The following PIK3CA variants were observed in gnomAD, a reference collection of about 807,000 sequenced individuals.
PIK3CA encodes phosphatidylinositol 4,5-bisphosphate 3-kinase catalytic subunit alpha isoform.
A neutral mutation model predicts 138.2 loss-of-function variants in PIK3CA; 27 were observed. The ratio of observed to expected loss-of-function variants is 0.20; its 90% CI spans 0.14 to 0.27. PIK3CA has a LOEUF of 0.27. Ranked by LOEUF, PIK3CA falls within the 10% of genes least tolerant of loss-of-function variation. PIK3CA has a pLI of 1.00. For synonymous variants in PIK3CA, 358 were observed against 413.2 expected (o/e 0.87, Z 1.62); for missense variants, 544 against 1,277.4 (o/e 0.43, Z 8.75).
At chr3:179,187,504 C>T (rs1444258009) in intron 1 of PIK3CA, among the ~76,000 whole-genome samples, 3 of 127,920 alleles carry the variant, frequency 2.3e-5, no homozygotes, top group East Asian at 2.4e-4. Context: ...CGCCACTGCA[C>T]TCCAGCCTGG....
At position 179,235,725 on chromosome 3, in the gene PIK3CA, A is replaced by G. The variant is rs1372931658; in HGVS notation, c.*1361A>G. ...CATGAACTTTTTACCTTTTTAAACT[A>G]TTTATCCATATCTCCAAAGTAGAAC... On this transcript the variant is annotated 3_prime_UTR_variant, in exon 21 of 21. Transcript: ENST00000263967. The G allele has an allele frequency of 4.8e-6, 1 of 206,864 alleles. No individual in the cohort carries two copies. The highest frequency in any genetic ancestry group is 2.3e-5 in the African/African-American group (1 of 43,470). The allele number at this position is 206,864 out of a possible 1,614,324, so 12.8% of individuals were successfully genotyped here.
At chr3:179,188,591 TGA>T (rs2108377030) in intron 1 of PIK3CA, among the ~76,000 whole-genome samples, 1 of 152,302 alleles carries the variant, frequency 6.6e-6, no homozygotes, top group African/African-American at 2.4e-5. Flanking sequence ...TCACTGGAAC[TGA>T]GAGTGATGGT....
In PIK3CA at chr3:179,168,805, CT is replaced by C. The variant is rs1041706850; in HGVS notation, c.-77+20208del. Among the ~76,000 whole-genome samples the C allele has an allele frequency of 2.4e-4, 37 of 152,228 alleles. No homozygotes were observed. The Middle Eastern group carries it at 0.014, about 56-fold the overall frequency. The stretch of plus-strand genomic sequence containing the variant: ...ATAAGGTATAAATTGGAAACCCACT[CT>C]TTTTTCCCAAATGTCTAGCCGTTTC... On this transcript the variant is annotated intron_variant, in intron 1 of 20. Coordinates refer to ENST00000263967, the MANE Select transcript of PIK3CA (RefSeq NM_006218.4).
Position 179,229,996 on chromosome 3 carries a change from C to G in PIK3CA, c.2667-8C>G, listed in dbSNP as rs1412156630. 6.3e-7 allele frequency: 1 copy of G among 1,590,644 alleles called. No homozygotes were observed. The highest frequency in any genetic ancestry group is 8.6e-7 in the Non-Finnish European group (1 of 1,160,184). On this transcript the variant is annotated splice_polypyrimidine_tract_variant and splice_region_variant and intron_variant, in intron 18 of 20. Coordinates refer to ENST00000263967, the MANE Select transcript of PIK3CA (RefSeq NM_006218.4). ...CCATACTACTCATGAGGTGTTTATT[C>G]TTTGTAGATATGATGCAGCCATTGA...
Position 179,234,356 on chromosome 3 carries a change from T to C in PIK3CA, c.3199T>C (p.Leu1067=), listed in dbSNP as rs1185051601. 1.2e-6 allele frequency: 2 copies of C among 1,606,116 alleles called. No individual in the cohort carries two copies. The highest frequency in any genetic ancestry group is 1.7e-6 in the Non-Finnish European group (2 of 1,174,370). The change falls in exon 21 of 21, where the codon TTG becomes CTG. Residue 1067 remains leucine (L), a synonymous_variant. Coordinates refer to ENST00000263967, the MANE Select transcript of PIK3CA (RefSeq NM_006218.4). This position sits in a 1 kb window ranked among gnomAD's most constrained non-coding sequence, Gnocchi z 5.1. ...WIFHTIKQHA[L]N Reference sequence around the variant, plus strand: ...CTTCCACACAATTAAACAGCATGCATTGAACTGAAAAGATAACTGAGAAAA... The same window carrying C: ...CTTCCACACAATTAAACAGCATGCACTGAACTGAAAAGATAACTGAGAAAA...
Position 179,230,244 on chromosome 3 carries a change from G to T in PIK3CA, c.2804G>T (p.Gly935Val), listed in dbSNP as rs2108424837. The T allele has an allele frequency of 6.2e-7, 1 of 1,605,804 alleles. No individual in the cohort carries two copies. The highest frequency in any genetic ancestry group is 1.1e-5 in the South Asian group (1 of 89,726). ...TGAAAGCTGTTTCATATAGATTTTG[G>T]ACACTTTTTGGATCACAAGAAGAAA... ...DDGQLFHIDF[G>V]HFLDHKKKKF... The change falls in exon 20 of 21, where the codon GGA becomes GTA. Residue 935 changes from glycine (G) to valine (V), a missense_variant. By Grantham distance (109) the Gly-to-Val change is moderately radical. This residue lies in a region of PIK3CA where 72 missense variants were observed against 271.8 expected (regional missense o/e 0.26). Transcript: ENST00000263967. The surrounding 1 kb of genome is among the most constrained non-coding windows in gnomAD (Gnocchi z 5.4).
At chr3:179,204,792 C>T (rs1284625407) in intron 6 of PIK3CA, among the ~76,000 whole-genome samples, 4 of 151,652 alleles carry the variant, frequency 2.6e-5, no homozygotes, top group African/African-American at 9.7e-5. Context: ...GAGGCTGAGG[C>T]GGGTGGATCA....
rs1057343538 is a variant in PIK3CA at position 179,210,794 on chromosome 3, C to T, written c.1539+229C>T. 3.9e-5 allele frequency among the ~76,000 whole-genome samples: 6 copies of T among 152,116 alleles called. No homozygotes were observed. The East Asian group carries it at 5.8e-4, about 15-fold the overall frequency. On this transcript the variant is annotated intron_variant, in intron 9 of 20. Coordinates refer to ENST00000263967, the MANE Select transcript of PIK3CA (RefSeq NM_006218.4). ...CATTTAACAAATATTTATTGAATGCCGACTATGTGTAAAGCACTGGGAAAG... is the reference window on the plus strand; with the variant it reads ...CATTTAACAAATATTTATTGAATGCTGACTATGTGTAAAGCACTGGGAAAG...
At chr3:179,190,486 G>A (rs1261589777) in intron 1 of PIK3CA, among the ~76,000 whole-genome samples, 2 of 152,106 alleles carry the variant, frequency 1.3e-5, no homozygotes, top group Non-Finnish European at 2.9e-5. Context: ...AATATTTAAA[G>A]TAACTTTCAA....
rs553385159 is a variant in PIK3CA at position 179,238,614 on chromosome 3, C to T, written c.*4250C>T. ...CCTTGTTTTTAATGATATGGAAGAC[C>T]TTAAGAAAAAAACTTGGCTGAAGTT... On this transcript the variant is annotated 3_prime_UTR_variant, in exon 21 of 21. Transcript: ENST00000263967. The T allele has an allele frequency of 7.2e-5, 16 of 222,614 alleles. No homozygotes were observed. The highest frequency in any genetic ancestry group is 3.6e-4 in the African/African-American group (16 of 44,832). The allele number at this position is 222,614 out of a possible 1,614,324, so 13.8% of individuals were successfully genotyped here.
Position 179,235,271 on chromosome 3 carries a change from TTAA to T in PIK3CA, c.*909_*911del, listed in dbSNP as rs1453053246. On this transcript the variant is annotated 3_prime_UTR_variant, in exon 21 of 21. Coordinates refer to ENST00000263967, the MANE Select transcript of PIK3CA (RefSeq NM_006218.4). ...GCATGTTTTCCAGAAAATAGAAGTATTAATGTTATTAAAAAGATTATTTTTTTT... is the reference window on the plus strand; with the variant it reads ...GCATGTTTTCCAGAAAATAGAAGTATTGTTATTAAAAAGATTATTTTTTTT... 3 of 180,218 alleles carry T rather than the reference TTAA, an allele frequency of 1.7e-5. No homozygotes were observed. Among genetic ancestry groups the T allele is most frequent in the Admixed American group, 1.3e-4 (2 of 15,904 alleles). The allele number at this position is 180,218 out of a possible 1,614,324, so 11.2% of individuals were successfully genotyped here. A position where few individuals can be genotyped will look rare whatever the true frequency, so the allele number is the denominator to read the frequency against.
intron 1 of PIK3CA, among the ~76,000 whole-genome samples, chr3:179,180,808 AAAT>A (rs1157735493): frequency 1.3e-5 from 2 of 152,220 alleles, no homozygotes; most frequent in Non-Finnish European, 2.9e-5. Context: ...CACTTTAATT[AAAT>A]AATAACATCA....
intron 9 of PIK3CA, among the ~76,000 whole-genome samples, chr3:179,212,470 G>C (rs139059688): frequency 6.6e-6 from 1 of 151,652 alleles, no homozygotes; most frequent in African/African-American, 2.4e-5. Flanking sequence ...TTAGCCAGGC[G>C]TTGTTGTACA....
rs1725403365 is a variant in PIK3CA at position 179,239,773 on chromosome 3, T to A, written c.*5409T>A. 2.4e-6 allele frequency: 1 copy of A among 412,862 alleles called. No individual in the cohort carries two copies. The highest frequency in any genetic ancestry group is 4.3e-6 in the Non-Finnish European group (1 of 232,584). The allele number at this position is 412,862 out of a possible 1,614,324, so 25.6% of individuals were successfully genotyped here. A position where few individuals can be genotyped will look rare whatever the true frequency, so the allele number is the denominator to read the frequency against. On this transcript the variant is annotated 3_prime_UTR_variant, in exon 21 of 21. Transcript: ENST00000263967. ...CCCCATTAATTGTAGCAAGTTTATT[T>A]CTCTATATTTTGTCATTCAGTGAAT...
chr3:179,161,463 G>A (rs1036659484), intron 1 of PIK3CA, among the ~76,000 whole-genome samples: 2 of 151,732 alleles, frequency 1.3e-5, no homozygotes, highest in African/African-American at 4.8e-5. Flanking sequence ...TTGGGAGGCC[G>A]AGGCGGGCAG....
intron 1 of PIK3CA, among the ~76,000 whole-genome samples, chr3:179,190,278 T>TA (rs540867219): frequency 1.5e-4 from 22 of 151,082 alleles, no homozygotes; most frequent in African/African-American, 2.9e-4. Flanking sequence ...TTATAGTGCA[T>TA]AAAAAAAAGT....
intron 9 of PIK3CA, among the ~76,000 whole-genome samples, chr3:179,212,262 C>T (rs1223916292): frequency 2.0e-5 from 3 of 149,732 alleles, no homozygotes; most frequent in Non-Finnish European, 4.5e-5. Context: ...CCCGCCTCGG[C>T]CTCCCAAAGT....
intron 1 of PIK3CA, among the ~76,000 whole-genome samples, chr3:179,165,030 C>G (rs1723382667): frequency 6.6e-6 from 1 of 152,048 alleles, no homozygotes; most frequent in East Asian, 1.9e-4. Context: ...TTAGTTTATT[C>G]CTTTCTCATT....
At chr3:179,222,511 T>C (rs116541027) in intron 14 of PIK3CA, among the ~76,000 whole-genome samples, 1 of 152,328 alleles carries the variant, frequency 6.6e-6, no homozygotes, top group Non-Finnish European at 1.5e-5. Flanking sequence ...AACAGGGTTA[T>C]ATCCTGATAA....
Sources: gnomAD v4.1 joint callset for allele counts (sites outside exome capture counted in the v4.1 genomes callset) on GRCh38, gnomAD v4.1.1 for gene constraint, gnomAD v4.1.1 regional missense constraint, Gnocchi (gnomAD v3.1) non-coding constraint, MANE v1.5 for transcripts, NCBI Gene and HGNC (gene_info 2026-07-23, HGNC 2026-07-21) for gene names.